The following DOCK4 variants were observed in gnomAD, a reference collection of about 807,000 sequenced individuals.
DOCK4 encodes the protein dedicator of cytokinesis protein 4.
A neutral mutation model predicts 268.1 loss-of-function variants in DOCK4; 97 were observed. That is an observed-to-expected ratio of 0.36 (90% CI 0.31 to 0.43). The LOEUF is 0.43. DOCK4 is among the 20% of genes least tolerant of loss of function. The pLI is 1.00. For missense variants in DOCK4, 2,145 were observed against 2,455.7 expected, an observed-to-expected ratio of 0.87 and a Z score of 2.67; for synonymous variants, 954 against 887.2, an observed-to-expected ratio of 1.08 and a Z score of -1.34.
chr7:111,887,675 A>T (rs1413364593), intron 16 of DOCK4, among the ~76,000 whole-genome samples: 2 of 152,132 alleles, frequency 1.3e-5, no homozygotes, highest in Non-Finnish European at 2.9e-5. Flanking sequence ...GTGAGGAAGC[A>T]GAGGCAATGA....
chr7:111,863,206 A>G (rs1482062167), intron 23 of DOCK4, 166 bp downstream of exon 23: 2 of 675,070 alleles, frequency 3.0e-6, no homozygotes, highest in African/African-American at 3.6e-5. Flanking sequence ...TTTAATTGCC[A>G]TACTTTTGTA....
chr7:111,929,675 A>G (rs1033191276), intron 12 of DOCK4, among the ~76,000 whole-genome samples: 2 of 151,950 alleles, frequency 1.3e-5, no homozygotes, highest in Non-Finnish European at 2.9e-5. Flanking sequence ...AAAACACCAT[A>G]TATTTCCTGA....
chr7:112,162,722 A>T (rs966048016), intron 1 of DOCK4, among the ~76,000 whole-genome samples: 1 of 152,202 alleles, frequency 6.6e-6, no homozygotes, highest in African/African-American at 2.4e-5. Flanking sequence ...CACACAATGT[A>T]CAAAGTTCAT....
chr7:111,847,221 T>C (rs1804177831), intron 23 of DOCK4, 95 bp from the exon 24 acceptor site: 1 of 1,471,254 alleles, frequency 6.8e-7, no homozygotes, highest in East Asian at 2.3e-5. Flanking sequence ...TTTTGGTTGC[T>C]AAATTATTAA....
chr7:111,764,502 G>C (rs1404433572), intron 39 of DOCK4, among the ~76,000 whole-genome samples: 1 of 152,114 alleles, frequency 6.6e-6, no homozygotes, highest in Non-Finnish European at 1.5e-5. Flanking sequence ...ATATACTGAA[G>C]TATTCAATAA....
At chr7:111,758,211 T>C (rs1278151577) in intron 41 of DOCK4, among the ~76,000 whole-genome samples, 1 of 152,234 alleles carries the variant, frequency 6.6e-6, no homozygotes, top group East Asian at 1.9e-4. Flanking sequence ...CTTTTCTCTG[T>C]TCATTATGTA....
rs1408788595 is a variant in DOCK4, at chr7:111,805,297, AGAG to A, written c.3166+3521_3166+3523del. 2.5e-4 allele frequency among the ~76,000 whole-genome samples: 38 copies of A among 152,202 alleles called. 1 individual carries two copies. The highest frequency in any genetic ancestry group is 2.5e-3 in the Admixed American group (38 of 15,286). On this transcript the variant is annotated intron_variant, in intron 30 of 52. Coordinates refer to ENST00000428084, the MANE Select transcript of DOCK4 (RefSeq NM_001363540.2). Reference sequence around the variant, plus strand: ...ACTCCAAGACTGAGGCGACAGCAGAAGAGAAGTTAGAACTCGCTTCCTCCAGTT... The same window carrying A: ...ACTCCAAGACTGAGGCGACAGCAGAAAAGTTAGAACTCGCTTCCTCCAGTT...
intron 1 of DOCK4, among the ~76,000 whole-genome samples, chr7:112,088,852 C>T (rs1210375244): frequency 6.6e-6 from 1 of 152,088 alleles, no homozygotes; most frequent in Non-Finnish European, 1.5e-5. Context: ...GGGGATAACA[C>T]TAGTATCTAC....
intron 42 of DOCK4, among the ~76,000 whole-genome samples, chr7:111,751,188 T>G (rs1189595676): frequency 6.6e-6 from 1 of 152,204 alleles, no homozygotes; most frequent in East Asian, 1.9e-4. Context: ...ATCAAGTCTC[T>G]AGTTCTAACT....
chr7:111,805,090 A>G (rs1455676817), intron 30 of DOCK4, among the ~76,000 whole-genome samples: 1 of 152,200 alleles, frequency 6.6e-6, no homozygotes, highest in Non-Finnish European at 1.5e-5. Flanking sequence ...AGGGAAGAAG[A>G]GAAGCCCTGC....
Position 111,760,395 on chromosome 7 carries a change from C to T in DOCK4, c.4021-73G>A, listed in dbSNP as rs1797308867. The stretch of plus-strand genomic sequence containing the variant: ...TTACAGACAGAGCCAAAAAACATGA[C>T]ACTGGCAGTAACTGACCACATGCCC... On this transcript the variant is annotated intron_variant, in intron 39 of 52. Transcript: ENST00000428084. The T allele has an allele frequency of 3.3e-6, 5 of 1,493,466 alleles. No individual in the cohort carries two copies. The East Asian group carries it at 1.1e-4, about 34-fold the overall frequency. The allele number at this position is 1,493,466 out of a possible 1,614,324, so 92.5% of individuals were successfully genotyped here.
intron 8 of DOCK4, among the ~76,000 whole-genome samples, chr7:111,953,458 A>G (rs1796216716): frequency 6.6e-6 from 1 of 152,188 alleles, no homozygotes; most frequent in Admixed American, 6.5e-5. Flanking sequence ...CTTCTCCTGC[A>G]TTCTGTCAAA....
At chr7:111,912,792 C>T (rs1792226929) in intron 13 of DOCK4, among the ~76,000 whole-genome samples, 1 of 152,088 alleles carries the variant, frequency 6.6e-6, no homozygotes, top group East Asian at 1.9e-4. Flanking sequence ...GCCCTGTGTT[C>T]CTAGGGACAG....
chr7:112,021,662 C>T lies in DOCK4; in HGVS notation c.38-17531G>A, dbSNP rs573071797. On this transcript the variant is annotated intron_variant, in intron 1 of 52. Coordinates refer to ENST00000428084, the MANE Select transcript of DOCK4 (RefSeq NM_001363540.2). ...CCATGTCTCCTCTGAAGCTAATTTTCCCCATCTTTCAACAGCTTCCTTCAA... is the reference window on the plus strand; with the variant it reads ...CCATGTCTCCTCTGAAGCTAATTTTTCCCATCTTTCAACAGCTTCCTTCAA... Among the ~76,000 whole-genome samples the T allele has an allele frequency of 4.6e-5, 7 of 152,316 alleles. No homozygotes were observed. In the South Asian group the frequency reaches 1.2e-3, roughly 27 times the overall value.
At chr7:111,783,812 G>A (rs1257019727) in intron 34 of DOCK4, 45 bp downstream of exon 34, 1 of 1,492,710 alleles carries the variant, frequency 6.7e-7, no homozygotes, top group African/African-American at 1.4e-5. Context: ...TCTAACTGGA[G>A]TTCAGCATGA....
intron 1 of DOCK4, among the ~76,000 whole-genome samples, chr7:112,013,686 A>G (rs1364228795): frequency 1.3e-5 from 2 of 152,230 alleles, no homozygotes; most frequent in African/African-American, 2.4e-5. Flanking sequence ...TGAAGAGACC[A>G]GCAAACAGGT....
intron 1 of DOCK4, among the ~76,000 whole-genome samples, chr7:112,088,398 T>C (rs1382024811): frequency 1.3e-5 from 2 of 152,142 alleles, no homozygotes; most frequent in Admixed American, 6.6e-5. Flanking sequence ...CCTATATAAT[T>C]AATGGATTTT....
intron 1 of DOCK4, among the ~76,000 whole-genome samples, chr7:112,162,693 A>G (rs1466802586): frequency 6.6e-6 from 1 of 152,110 alleles, no homozygotes; most frequent in Non-Finnish European, 1.5e-5. Flanking sequence ...TATCACTTTC[A>G]ACTAAAAGAA....
At chr7:112,087,836 GAC>G (rs1318799877) in intron 1 of DOCK4, among the ~76,000 whole-genome samples, 2 of 152,056 alleles carry the variant, frequency 1.3e-5, no homozygotes, top group Non-Finnish European at 2.9e-5. Flanking sequence ...GGACAAAGGA[GAC>G]ACATCGTGAA....
Sources: allele counts gnomAD v4.1 joint callset (sites outside exome capture counted in the v4.1 genomes callset), GRCh38; gene constraint gnomAD v4.1.1; transcripts MANE v1.5; gene names NCBI Gene and HGNC (gene_info 2026-07-23, HGNC 2026-07-21).